COG5: variants seen among roughly 807,000 people sequenced by gnomAD.
COG5 encodes conserved oligomeric Golgi complex subunit 5.
A neutral mutation model predicts 110.4 loss-of-function variants in COG5; 86 were observed. The observed-to-expected ratio is 0.78, with a 90% CI of 0.65 to 0.93. The LOEUF is 0.93. Among genes scored for constraint, COG5 ranks in the 40% least tolerant of loss-of-function variants. The pLI, the probability that COG5 is intolerant of heterozygous loss-of-function variation, is 0.00. For synonymous variants in COG5, 360 were observed against 334.6 expected (o/e 1.08, Z -0.83); for missense variants, 1,077 against 987.0 (o/e 1.09, Z -1.22).
At chr7:107,293,277 G>A (rs569955129) in intron 12 of COG5, among the ~76,000 whole-genome samples, 2 of 152,050 alleles carry the variant, frequency 1.3e-5, no homozygotes, top group African/African-American at 4.8e-5. Flanking sequence ...TCCTGACCTC[G>A]CTTACCTGAA....
rs371932430 is a variant in COG5 at position 107,424,145 on chromosome 7, T to C, written c.539-11513A>G. On this transcript the variant is annotated intron_variant, in intron 6 of 21. Transcript: ENST00000297135. ...AAAATTAGCAGGGTGTGGTGGTGCG[T>C]GCCTGTAGTACCAGCTACTCGGGAG... is the stretch of plus-strand genomic sequence containing the variant. 3.9e-5 allele frequency among the ~76,000 whole-genome samples: 6 copies of C among 151,916 alleles called. No individual in the cohort carries two copies. The East Asian group carries it at 7.8e-4, about 20-fold the overall frequency.
At chr7:107,309,130 A>G (rs1463157347) in intron 11 of COG5, among the ~76,000 whole-genome samples, 2 of 151,922 alleles carry the variant, frequency 1.3e-5, no homozygotes, top group African/African-American at 4.8e-5. Flanking sequence ...TATAAATCAA[A>G]TATTTTTTAA....
At chr7:107,428,849 CTAGCAAGT>C (rs1171846968) in intron 6 of COG5, among the ~76,000 whole-genome samples, 1 of 152,184 alleles carries the variant, frequency 6.6e-6, no homozygotes, top group Non-Finnish European at 1.5e-5. Flanking sequence ...TGGCGTATTA[CTAGCAAGT>C]TCTCATATTT....
At chr7:107,258,840 G>C (rs1321034249) in intron 14 of COG5, among the ~76,000 whole-genome samples, 1 of 151,944 alleles carries the variant, frequency 6.6e-6, no homozygotes. Flanking sequence ...GAGAGAGACG[G>C]GAAGGAGGGG....
At chr7:107,389,138 C>G (rs916273105) in intron 7 of COG5, among the ~76,000 whole-genome samples, 1 of 152,224 alleles carries the variant, frequency 6.6e-6, no homozygotes, top group Admixed American at 6.5e-5. Flanking sequence ...TTCTTTCGCC[C>G]TGTCACCTGG....
rs1474667007 is a variant in COG5, at chr7:107,541,862, C to T, written c.417+6249G>A. Among the ~76,000 whole-genome samples, 5 of 147,802 alleles carry T rather than the reference C, an allele frequency of 3.4e-5. 1 individual carries two copies. In the East Asian group the frequency reaches 6.3e-4, roughly 19 times the overall value. On this transcript the variant is annotated intron_variant, in intron 5 of 21. Coordinates refer to ENST00000297135, the MANE Select transcript of COG5 (RefSeq NM_006348.5). ...AGAAGAATTGCTTGAAGCCAGGAGG[C>T]GCGGTTGCAGTGAGCCGAGATGGTG...
chr7:107,517,338 G>T (rs1407780011), intron 6 of COG5, among the ~76,000 whole-genome samples: 5 of 152,066 alleles, frequency 3.3e-5, no homozygotes, highest in Non-Finnish European at 7.4e-5. Context: ...GAGAAATATG[G>T]AACTATGTAA....
At chr7:107,400,632 CTGAAATGAAATGCATTCAG>C (rs1268068769) in intron 7 of COG5, among the ~76,000 whole-genome samples, 10 of 152,058 alleles carry the variant, frequency 6.6e-5, no homozygotes, top group Non-Finnish European at 1.3e-4. Flanking sequence ...ACATGAATAA[CTGAAATGAAATGCATTCAG>C]TGAACTGGAA....
rs371906822 is a variant in COG5, at chr7:107,414,881, C to A, written c.539-2249G>T. Among the ~76,000 whole-genome samples the A allele has an allele frequency of 3.4e-4, 52 of 151,776 alleles. 1 individual carries two copies. The highest frequency in any genetic ancestry group is 1.2e-3 in the African/African-American group (48 of 41,468). On this transcript the variant is annotated intron_variant, in intron 6 of 21. Coordinates refer to ENST00000297135, the MANE Select transcript of COG5 (RefSeq NM_006348.5). ...TAGCTGGGACTACAAGTGCACGTCA[C>A]GACGCCTGGCTAATTTTTTGTATTT... is the stretch of plus-strand genomic sequence containing the variant.
chr7:107,271,784 T>C (rs1357631340), intron 14 of COG5, among the ~76,000 whole-genome samples: 4 of 152,028 alleles, frequency 2.6e-5, no homozygotes, highest in Admixed American at 6.6e-5. Flanking sequence ...TATTATGGGT[T>C]TAATTTGCCC....
intron 14 of COG5, among the ~76,000 whole-genome samples, chr7:107,267,433 A>C (rs1803891640): frequency 6.6e-6 from 1 of 152,194 alleles, no homozygotes; most frequent in South Asian, 2.1e-4. Context: ...TGGCCTTGTT[A>C]ATTAAATTTA....
chr7:107,218,883 A>G (rs907082225), intron 19 of COG5, among the ~76,000 whole-genome samples: 5 of 152,090 alleles, frequency 3.3e-5, no homozygotes, highest in Non-Finnish European at 7.4e-5. Context: ...TTAAAGTAAA[A>G]AGCTTCTGCA....
At chr7:107,315,594 T>C (rs1298064405) in intron 11 of COG5, among the ~76,000 whole-genome samples, 2 of 152,026 alleles carry the variant, frequency 1.3e-5, no homozygotes, top group Non-Finnish European at 2.9e-5. Context: ...AGCATGAACA[T>C]GTATAATCAG....
At chr7:107,302,527 T>C (rs1369297451) in intron 11 of COG5, among the ~76,000 whole-genome samples, 14 of 152,222 alleles carry the variant, frequency 9.2e-5, no homozygotes, top group Admixed American at 9.2e-4. Context: ...TTGTTTATTG[T>C]ATGCCAGCTA....
chr7:107,347,166 T>C (rs1811691482), intron 10 of COG5, among the ~76,000 whole-genome samples: 1 of 152,180 alleles, frequency 6.6e-6, no homozygotes, highest in Admixed American at 6.5e-5. Flanking sequence ...GGGGAGAACT[T>C]TCCTCCATCC....
In COG5 at chr7:107,225,545, C is replaced by T. The variant is rs539653901; in HGVS notation, c.2168+5070G>A. Among the ~76,000 whole-genome samples, 15 of 152,264 alleles carry T rather than the reference C, an allele frequency of 9.9e-5. No individual in the cohort carries two copies. The South Asian group carries it at 1.5e-3, about 15-fold the overall frequency. On this transcript the variant is annotated intron_variant, in intron 19 of 21. Transcript: ENST00000297135. ...TATTTTATATTTTGGGACAGGGTCTCACTCTGTCACCCAGGCTGGAGTGCA... is the reference window on the plus strand; with the variant it reads ...TATTTTATATTTTGGGACAGGGTCTTACTCTGTCACCCAGGCTGGAGTGCA...
At chr7:107,256,932 C>T in intron 15 of COG5, 138 bp from the exon 16 acceptor site, 1 of 654,792 alleles carries the variant, frequency 1.5e-6, no homozygotes, top group South Asian at 1.8e-5. Context: ...ATATCTTATA[C>T]ATGATTTTAA....
At chr7:107,271,365 C>A (rs1466966361) in intron 14 of COG5, among the ~76,000 whole-genome samples, 1 of 152,066 alleles carries the variant, frequency 6.6e-6, no homozygotes, top group Non-Finnish European at 1.5e-5. Context: ...ATCTACAGAT[C>A]AATTTCAGAA....
At position 107,537,075 on chromosome 7, in the gene COG5, T is replaced by C. The variant is rs112034354; in HGVS notation, c.418-9718A>G. Among the ~76,000 whole-genome samples, 10 of 152,312 alleles carry C rather than the reference T, an allele frequency of 6.6e-5. 3 individuals are homozygous for C. Among genetic ancestry groups the C allele is most frequent in the African/African-American group, 2.4e-4 (10 of 41,582 alleles). ...GTGCTGGGAAAACTGGCTAGCTGTA[T>C]GCAGAAAACTGAAACTGGAGCCCTT... On this transcript the variant is annotated intron_variant, in intron 5 of 21. Coordinates refer to ENST00000297135, the MANE Select transcript of COG5 (RefSeq NM_006348.5).
Sources: allele counts gnomAD v4.1 joint callset (sites outside exome capture counted in the v4.1 genomes callset), GRCh38; gene constraint gnomAD v4.1.1; transcripts MANE v1.5; gene names NCBI Gene and HGNC (gene_info 2026-07-23, HGNC 2026-07-21).